The following ENOX1 variants were observed in gnomAD, a reference collection of about 807,000 sequenced individuals.
ENOX1 encodes the protein candidate growth-related and time keeping constitutive hydroquinone (NADH) oxidase.
ENOX1 carries 42 observed loss-of-function variants against 82.5 expected under a neutral mutation model. The observed-to-expected ratio is 0.51, with a 90% CI of 0.40 to 0.66. The LOEUF is 0.66. Ranked by LOEUF, ENOX1 falls within the 30% of genes least tolerant of loss-of-function variation. ENOX1 has a pLI of 0.00. For synonymous variants in ENOX1, 271 were observed against 282.2 expected, an observed-to-expected ratio of 0.96 and a Z score of 0.40; for missense variants, 608 against 811.6, an observed-to-expected ratio of 0.75 and a Z score of 3.05.
At chr13:43,572,441 G>A (rs2080226536) in intron 2 of ENOX1, among the ~76,000 whole-genome samples, 1 of 152,146 alleles carries the variant, frequency 6.6e-6, no homozygotes, top group Non-Finnish European at 1.5e-5. Context: ...AGACCAAAAG[G>A]CTTAGGTGAA....
chr13:43,735,227 T>C (rs2089561734), intron 1 of ENOX1, among the ~76,000 whole-genome samples: 1 of 152,232 alleles, frequency 6.6e-6, no homozygotes, highest in East Asian at 1.9e-4. Context: ...AACATGCTAG[T>C]AACTGGGCCT....
chr13:43,508,754 C>T (rs1354415187), intron 2 of ENOX1, among the ~76,000 whole-genome samples: 1 of 151,682 alleles, frequency 6.6e-6, no homozygotes, highest in African/African-American at 2.4e-5. Context: ...ATACTTGATT[C>T]AGCCAATATT....
chr13:43,743,548 A>G (rs1412050447), intron 1 of ENOX1, among the ~76,000 whole-genome samples: 2 of 152,202 alleles, frequency 1.3e-5, no homozygotes, highest in African/African-American at 2.4e-5. Flanking sequence ...TCAAGGCACA[A>G]CTTGAATAGC....
intron 12 of ENOX1, among the ~76,000 whole-genome samples, chr13:43,291,491 T>C (rs2045996540): frequency 1.3e-5 from 2 of 152,264 alleles, no homozygotes; most frequent in African/African-American, 4.8e-5. Context: ...CTCTTCTTGC[T>C]GATTCAGCTA....
intron 5 of ENOX1, among the ~76,000 whole-genome samples, chr13:43,382,479 G>A (rs888296972): frequency 1.3e-5 from 2 of 152,138 alleles, no homozygotes; most frequent in South Asian, 2.1e-4. Flanking sequence ...GACAACATGC[G>A]TGACTTTCAG....
At chr13:43,759,608 T>C (rs1950847989) in intron 1 of ENOX1, among the ~76,000 whole-genome samples, 1 of 152,220 alleles carries the variant, frequency 6.6e-6, no homozygotes, top group South Asian at 2.1e-4. Flanking sequence ...ATTGTTTAAC[T>C]CTAAATCAGA....
chr13:43,482,927 C>T lies in ENOX1; in HGVS notation c.-75+1082G>A, dbSNP rs191345930. Among the ~76,000 whole-genome samples the T allele has an allele frequency of 6.6e-5, 10 of 152,148 alleles. No homozygotes were observed. In the East Asian group the frequency reaches 1.7e-3, roughly 26 times the overall value. ...ATCTACCCCATACCCTAGTAAATAC[C>T]CCCTGCCTCACTGTTCAATGGGGGT... is the stretch of plus-strand genomic sequence containing the variant. On this transcript the variant is annotated intron_variant, in intron 3 of 16. Coordinates refer to ENST00000690772, the MANE Select transcript of ENOX1 (RefSeq NM_001347969.2).
chr13:43,284,305 C>T (rs369668170), intron 12 of ENOX1, among the ~76,000 whole-genome samples: 11 of 151,194 alleles, frequency 7.3e-5, no homozygotes, highest in African/African-American at 2.7e-4. Flanking sequence ...ACAAGGTGCA[C>T]GGAGAATGAG....
intron 1 of ENOX1, among the ~76,000 whole-genome samples, chr13:43,766,153 G>A (rs951478639): frequency 3.3e-5 from 5 of 152,048 alleles, no homozygotes; most frequent in African/African-American, 1.2e-4. Flanking sequence ...TTCCACTCCC[G>A]TGTTGCCACC....
intron 1 of ENOX1, among the ~76,000 whole-genome samples, chr13:43,777,529 C>T (rs148140087): frequency 6.7e-6 from 1 of 150,100 alleles, no homozygotes; most frequent in East Asian, 1.9e-4. Flanking sequence ...ATCACAGGAT[C>T]TCTCTGTATT....
At chr13:43,352,000 C>T (rs1433536879) in intron 8 of ENOX1, among the ~76,000 whole-genome samples, 1 of 152,212 alleles carries the variant, frequency 6.6e-6, no homozygotes, top group Non-Finnish European at 1.5e-5. Context: ...GGAAGCCTGG[C>T]TTTTAGCTAA....
chr13:43,705,016 T>C (rs1233757989), intron 1 of ENOX1, among the ~76,000 whole-genome samples: 3 of 151,934 alleles, frequency 2.0e-5, no homozygotes, highest in Admixed American at 6.6e-5. Flanking sequence ...AGTAACATAA[T>C]TGGATATTGG....
chr13:43,331,148 G>A (rs149005296), intron 9 of ENOX1, among the ~76,000 whole-genome samples: 1 of 152,316 alleles, frequency 6.6e-6, no homozygotes, highest in East Asian at 1.9e-4. Flanking sequence ...TTTCTGGGCT[G>A]CACAAGACTC....
intron 3 of ENOX1, among the ~76,000 whole-genome samples, chr13:43,483,384 G>C (rs1228265592): frequency 6.6e-6 from 1 of 152,124 alleles, no homozygotes; most frequent in Non-Finnish European, 1.5e-5. Flanking sequence ...AAAATGAAAT[G>C]CTTGCTCTAC....
At chr13:43,569,901 C>T (rs1321623051) in intron 2 of ENOX1, among the ~76,000 whole-genome samples, 1 of 152,192 alleles carries the variant, frequency 6.6e-6, no homozygotes. Context: ...AAAAGTTAAT[C>T]ATTCCCTTCT....
At chr13:43,292,151 C>T (rs1049030519) in intron 12 of ENOX1, among the ~76,000 whole-genome samples, 8 of 152,234 alleles carry the variant, frequency 5.3e-5, no homozygotes, top group African/African-American at 1.9e-4. Context: ...AGAGATGATT[C>T]AGGAACCACA....
chr13:43,257,265 A>G (rs1178589384), intron 14 of ENOX1, among the ~76,000 whole-genome samples: 4 of 152,238 alleles, frequency 2.6e-5, no homozygotes, highest in African/African-American at 9.6e-5. Flanking sequence ...AATCTATTGT[A>G]TATTTCAACA....
chr13:43,539,299 T>G (rs927122566), intron 2 of ENOX1, among the ~76,000 whole-genome samples: 3 of 152,236 alleles, frequency 2.0e-5, no homozygotes, highest in Admixed American at 2.0e-4. Flanking sequence ...TTTGAACATA[T>G]GCACTTAAGG....
intron 2 of ENOX1, among the ~76,000 whole-genome samples, chr13:43,568,111 T>C (rs1392191314): frequency 6.6e-6 from 1 of 151,976 alleles, no homozygotes; most frequent in East Asian, 1.9e-4. Flanking sequence ...TGTGATAGAG[T>C]AATACTTTTT....
Sources: allele counts gnomAD v4.1 joint callset (sites outside exome capture counted in the v4.1 genomes callset), GRCh38; gene constraint gnomAD v4.1.1; transcripts MANE v1.5; gene names NCBI Gene and HGNC (gene_info 2026-07-23, HGNC 2026-07-21).